The following FCRL1 variants were observed in gnomAD, a reference collection of about 807,000 sequenced individuals.
FCRL1 encodes Fc receptor like 1.
In FCRL1, 34 loss-of-function variants were observed where a neutral mutation model predicts 49.2. That is an observed-to-expected ratio of 0.69 (90% CI 0.53 to 0.92). The LOEUF (loss-of-function observed/expected upper bound fraction) is 0.92. Ranked by LOEUF, FCRL1 falls within the 40% of genes least tolerant of loss-of-function variation. The pLI is 0.00. For synonymous variants in FCRL1, 218 were observed against 201.6 expected (o/e 1.08, Z -0.69); for missense variants, 524 against 524.1 (o/e 1.00, Z 0.00).
rs1651390858 is a variant in FCRL1, at chr1:157,795,893, T to C, written c.*206A>G. The C allele has an allele frequency of 2.0e-6, 1 of 492,408 alleles. No homozygotes were observed. Among genetic ancestry groups the C allele is most frequent in the Non-Finnish European group, 3.6e-6 (1 of 274,292 alleles). 30.5% of individuals were successfully genotyped at this position (492,408 alleles called of 1,614,324 possible). On this transcript the variant is annotated 3_prime_UTR_variant, in exon 11 of 11. Coordinates refer to ENST00000368176, the MANE Select transcript of FCRL1 (RefSeq NM_052938.5). ...TCTGGTTCTGATAACAAAGTCCCTG[T>C]CACTCCTGTGTCTATTAGTTCTCCT...
At chr1:157,815,382 A>G (rs1654885111) in intron 1 of FCRL1, among the ~76,000 whole-genome samples, 1 of 151,980 alleles carries the variant, frequency 6.6e-6, no homozygotes, top group Non-Finnish European at 1.5e-5. Flanking sequence ...ATTCAAAGAG[A>G]AATTTTAAAA....
intron 2 of FCRL1, 86 bp downstream of exon 2, chr1:157,807,016 T>C: frequency 1.3e-6 from 2 of 1,498,870 alleles, no homozygotes; most frequent in Non-Finnish European, 9.2e-7. Context: ...AAGGGGCTGC[T>C]AAGACAGCAA....
At position 157,797,956 on chromosome 1, in the gene FCRL1, G is replaced by GA. The variant is rs1651797073; in HGVS notation, c.1115-18dup. On this transcript the variant is annotated splice_polypyrimidine_tract_variant and intron_variant, in intron 8 of 10. Coordinates refer to ENST00000368176, the MANE Select transcript of FCRL1 (RefSeq NM_052938.5). ...CAACATTCACTGCAAGAGAAGGAGG[G>GA]AGACTTCATGACACAGCCCCTGATT... 1 of 1,612,938 alleles carries GA rather than the reference G, an allele frequency of 6.2e-7. No individual in the cohort carries two copies.
chr1:157,806,984 A>T, intron 2 of FCRL1, 118 bp downstream of exon 2: 1 of 1,104,268 alleles, frequency 9.1e-7, no homozygotes. Flanking sequence ...AGCAGCTGTC[A>T]CCCTGATATG....
intron 1 of FCRL1, among the ~76,000 whole-genome samples, chr1:157,817,615 CA>C (rs1040188566): frequency 6.6e-6 from 1 of 151,910 alleles, no homozygotes; most frequent in African/African-American, 2.4e-5. Flanking sequence ...CTGATTTGGG[CA>C]GTGATTTTTT....
At position 157,795,352 on chromosome 1, in the gene FCRL1, C is replaced by T. The variant is rs916773749; in HGVS notation, c.*747G>A. On this transcript the variant is annotated 3_prime_UTR_variant, in exon 11 of 11. Coordinates refer to ENST00000368176, the MANE Select transcript of FCRL1 (RefSeq NM_052938.5). ...ATTGAGTGACAGAGTGAGACCCTGT[C>T]TCAATTTAAAAAAAAAATAATTAAG... is the stretch of plus-strand genomic sequence containing the variant. The T allele has an allele frequency of 6.6e-6, 1 of 151,734 alleles. No individual in the cohort carries two copies. The highest frequency in any genetic ancestry group is 1.5e-5 in the Non-Finnish European group (1 of 67,970). 9.4% of individuals were successfully genotyped at this position (151,734 alleles called of 1,614,324 possible). A position where few individuals can be genotyped will look rare whatever the true frequency, so the allele number is the denominator to read the frequency against.
chr1:157,795,308 T>C lies in FCRL1; in HGVS notation c.*791A>G, dbSNP rs1454048294. ...AGGCAGGCGTTGCAGTGAGGCAAGATTGTGCCACTGCATTCCAGATTGAGT... is the reference window on the plus strand; with the variant it reads ...AGGCAGGCGTTGCAGTGAGGCAAGACTGTGCCACTGCATTCCAGATTGAGT... On this transcript the variant is annotated 3_prime_UTR_variant, in exon 11 of 11. Coordinates refer to ENST00000368176, the MANE Select transcript of FCRL1 (RefSeq NM_052938.5). The C allele has an allele frequency of 6.6e-6, 1 of 152,122 alleles. No homozygotes were observed. The highest frequency in any genetic ancestry group is 1.5e-5 in the Non-Finnish European group (1 of 68,028). 9.4% of individuals were successfully genotyped at this position (152,122 alleles called of 1,614,324 possible).
At chr1:157,812,729 C>T (rs77346326) in intron 1 of FCRL1, among the ~76,000 whole-genome samples, 1,552 of 152,204 alleles carry the variant, frequency 0.01, 9 homozygotes, top group Middle Eastern at 0.02. Flanking sequence ...ATAGTAGTGG[C>T]ACTGTGTGCA....
chr1:157,807,827 C>A (rs1007176605), intron 1 of FCRL1, among the ~76,000 whole-genome samples: 3 of 152,208 alleles, frequency 2.0e-5, no homozygotes, highest in Non-Finnish European at 4.4e-5. Flanking sequence ...CTCTTACAAG[C>A]TGTGTGACTG....
chr1:157,805,763 C>G (rs1653335101), intron 2 of FCRL1, among the ~76,000 whole-genome samples: 1 of 152,174 alleles, frequency 6.6e-6, no homozygotes, highest in Admixed American at 6.5e-5. Context: ...GGCGTGGTGG[C>G]ATGAGTTTGT....
intron 1 of FCRL1, among the ~76,000 whole-genome samples, chr1:157,815,486 G>A (rs1040067714): frequency 2.0e-5 from 3 of 151,768 alleles, no homozygotes; most frequent in Admixed American, 6.6e-5. Flanking sequence ...AGCAGTGAAT[G>A]CCTACATCAA....
In FCRL1 at chr1:157,800,038, A is replaced by G. The variant is rs772332438; in HGVS notation, c.1031+20T>C. 24 of 1,610,092 alleles carry G rather than the reference A, an allele frequency of 1.5e-5. No individual in the cohort carries two copies. The highest frequency in any genetic ancestry group is 1.6e-4 in the Middle Eastern group (1 of 6,064). ...AGATTTTTCTGCATTATTGACACCT[A>G]TAGTGAAAACAGGCCTCACCTGAGT... is the stretch of plus-strand genomic sequence containing the variant. On this transcript the variant is annotated intron_variant, in intron 7 of 10. Transcript: ENST00000368176.
intron 2 of FCRL1, among the ~76,000 whole-genome samples, chr1:157,805,116 A>G (rs1653211846): frequency 6.6e-6 from 1 of 152,114 alleles, no homozygotes; most frequent in Non-Finnish European, 1.5e-5. Flanking sequence ...CTGCCTTGGC[A>G]TCCCAAGGTA....
Position 157,802,538 on chromosome 1 carries a change from T to G in FCRL1, c.446A>C (p.Lys149Thr). 4 of 1,614,140 alleles carry G rather than the reference T, an allele frequency of 2.5e-6. No homozygotes were observed. Among genetic ancestry groups the G allele is most frequent in the Non-Finnish European group, 3.4e-6 (4 of 1,180,016 alleles). The change falls in exon 4 of 11, where the codon AAA (lysine) becomes ACA (threonine). Residue 149 changes from lysine (K) to threonine (T), a missense_variant. Coordinates refer to ENST00000368176, the MANE Select transcript of FCRL1 (RefSeq NM_052938.5). ...CTGAAGGTTTAAACCTACAGCCCCT[T>G]TGTACCAAAGGAAGGTGATGTCTCC... Reference protein sequence around the residue: ...GTGDITFLWYKGAVGLNLQSK... With the variant: ...GTGDITFLWYTGAVGLNLQSK...
At chr1:157,797,578 C>A in intron 9 of FCRL1, 1 of 633,206 alleles carries the variant, frequency 1.6e-6, no homozygotes, top group Non-Finnish European at 2.8e-6. Flanking sequence ...TTACCTCCAT[C>A]GTGTTGGGAG....
chr1:157,802,061 A>T lies in FCRL1; in HGVS notation c.740T>A (p.Ile247Asn). ...PILYWFYHED[I>N]TLGSRSAPSG... ...GGGGGCCGACCTGCTCCCCAGGGTGATATCCTCGTGATAAAACCAGTACAG... is the reference window on the plus strand; with the variant it reads ...GGGGGCCGACCTGCTCCCCAGGGTGTTATCCTCGTGATAAAACCAGTACAG... Residue 247 changes from isoleucine (I) to asparagine (N), a missense_variant, in exon 5 of 11, where the codon ATC becomes AAC. Coordinates refer to ENST00000368176, the MANE Select transcript of FCRL1 (RefSeq NM_052938.5). 1 of 1,614,174 alleles carries T rather than the reference A, an allele frequency of 6.2e-7. No homozygotes were observed. Among genetic ancestry groups the T allele is most frequent in the Non-Finnish European group, 8.5e-7 (1 of 1,180,022 alleles).
At chr1:157,801,644 T>G in intron 5 of FCRL1, 67 bp from the exon 6 acceptor site, 1 of 1,159,216 alleles carries the variant, frequency 8.6e-7, no homozygotes, top group Middle Eastern at 2.8e-4. Flanking sequence ...GCAGACATCT[T>G]GGGTGTGGGT....
At chr1:157,797,783 T>C in intron 9 of FCRL1, 85 bp downstream of exon 9, 1 of 1,609,846 alleles carries the variant, frequency 6.2e-7, no homozygotes, top group African/African-American at 1.3e-5. Context: ...AGGAATGCTG[T>C]TGTCTGCCAT....
rs1557897038 is a variant in FCRL1 at position 157,801,447 on chromosome 1, CTT to C, written c.1003+12_1003+13del. On this transcript the variant is annotated intron_variant, in intron 6 of 10. Coordinates refer to ENST00000368176, the MANE Select transcript of FCRL1 (RefSeq NM_052938.5). ...GATCACAGTAACAAAATGCCACTCT[CTT>C]TAAATACTAACCTATTTTTCTTTTG... 1 of 1,526,314 alleles carries C rather than the reference CTT, an allele frequency of 6.6e-7. No individual in the cohort carries two copies. Among genetic ancestry groups the C allele is most frequent in the African/African-American group, 1.4e-5 (1 of 73,002 alleles). 94.5% of individuals were successfully genotyped at this position (1,526,314 alleles called of 1,614,324 possible). A position where few individuals can be genotyped will look rare whatever the true frequency, so the allele number is the denominator to read the frequency against.
Sources: allele counts gnomAD v4.1 joint callset (sites outside exome capture counted in the v4.1 genomes callset), GRCh38; gene constraint gnomAD v4.1.1; transcripts MANE v1.5; gene names NCBI Gene and HGNC (gene_info 2026-07-23, HGNC 2026-07-21).